The following SLC16A10 variants were observed in gnomAD, a reference collection of about 807,000 sequenced individuals.
SLC16A10 encodes the protein monocarboxylate transporter 10.
In SLC16A10, 27 loss-of-function variants were observed where a neutral mutation model predicts 40.0. The ratio of observed to expected loss-of-function variants is 0.67; its 90% confidence interval spans 0.50 to 0.93. The LOEUF is 0.93. Ranked by LOEUF, SLC16A10 falls within the 40% of genes least tolerant of loss-of-function variation. The pLI is 0.00. For missense variants in SLC16A10, 529 were observed against 658.2 expected, an observed-to-expected ratio of 0.80 and a Z score of 2.15; for synonymous variants, 213 against 249.8, an observed-to-expected ratio of 0.85 and a Z score of 1.39.
intron 3 of SLC16A10, among the ~76,000 whole-genome samples, chr6:111,200,475 G>A (rs761122279): frequency 1.1e-4 from 17 of 152,072 alleles, no homozygotes; most frequent in South Asian, 2.1e-4. Flanking sequence ...CACCTCACTC[G>A]GCTTGCTGGT....
rs1421957624 is a variant in SLC16A10, at chr6:111,214,744, T to G, written c.1087-4070T>G. 2.0e-5 allele frequency among the ~76,000 whole-genome samples: 3 copies of G among 152,222 alleles called. No homozygotes were observed. The East Asian group carries it at 5.8e-4, about 29-fold the overall frequency. On this transcript the variant is annotated intron_variant, in intron 4 of 5. Coordinates refer to ENST00000368851, the MANE Select transcript of SLC16A10 (RefSeq NM_018593.5). ...TACATTTAAATAACTACATAAATCA[T>G]TGCCTAATTTTAATAAGAATATAAC...
Position 111,224,812 on chromosome 6 carries a change from T to TA in SLC16A10, c.*2578dup, listed in dbSNP as rs1770961446. The TA allele has an allele frequency of 6.6e-6, 1 of 152,216 alleles. No homozygotes were observed. Among genetic ancestry groups the TA allele is most frequent in the Non-Finnish European group, 1.5e-5 (1 of 68,032 alleles). 9.4% of individuals were successfully genotyped at this position (152,216 alleles called of 1,614,324 possible). A position where few individuals can be genotyped will look rare whatever the true frequency, so the allele number is the denominator to read the frequency against. On this transcript the variant is annotated 3_prime_UTR_variant, in exon 6 of 6. Coordinates refer to ENST00000368851, the MANE Select transcript of SLC16A10 (RefSeq NM_018593.5). ...CCTTTCTAATTTCTGAATGAAGTGTTACTGCTGCAATAAAGTGACCTGATA... is the reference window on the plus strand; with the variant it reads ...CCTTTCTAATTTCTGAATGAAGTGTTAACTGCTGCAATAAAGTGACCTGATA...
intron 3 of SLC16A10, among the ~76,000 whole-genome samples, chr6:111,196,438 C>T (rs1203166852): frequency 6.6e-6 from 1 of 152,142 alleles, no homozygotes; most frequent in African/African-American, 2.4e-5. Flanking sequence ...GAGCTGTGAT[C>T]GTGCCACTGC....
At chr6:111,155,153 C>T (rs1412640315) in intron 1 of SLC16A10, among the ~76,000 whole-genome samples, 1 of 151,462 alleles carries the variant, frequency 6.6e-6, no homozygotes, top group Non-Finnish European at 1.5e-5. Flanking sequence ...GGGTACACCG[C>T]ACAATCTTCC....
At position 111,087,919 on chromosome 6, in the gene SLC16A10, C is replaced by T. The variant is rs761836776; in HGVS notation, c.167C>T (p.Ala56Val). ...VEVELAGPAT[A>V]EPHEPPEPPE... ...GTGGAGCTGGCGGGGCCGGCGACCGCGGAGCCCCATGAGCCCCCCGAACCC... is the reference window on the plus strand; with the variant it reads ...GTGGAGCTGGCGGGGCCGGCGACCGTGGAGCCCCATGAGCCCCCCGAACCC... The change falls in exon 1 of 6, where the codon GCG (alanine) becomes GTG (valine). Residue 56 changes from alanine to valine, a missense_variant. Coordinates refer to ENST00000368851, the MANE Select transcript of SLC16A10 (RefSeq NM_018593.5). 5.7e-6 allele frequency: 9 copies of T among 1,592,096 alleles called. No homozygotes were observed. The East Asian group carries it at 6.9e-5, about 12-fold the overall frequency.
chr6:111,147,925 T>C (rs982821731), intron 1 of SLC16A10, among the ~76,000 whole-genome samples: 1 of 152,246 alleles, frequency 6.6e-6, no homozygotes, highest in Non-Finnish European at 1.5e-5. Context: ...AGGTTTCTCT[T>C]ACGTGACTCT....
In SLC16A10 at chr6:111,177,071, A is replaced by ATTT. The variant is rs773411509; in HGVS notation, c.489-129_489-127dup. 3,859 of 411,958 alleles carry ATTT rather than the reference A, an allele frequency of 9.4e-3. 116 individuals are homozygous for ATTT. The highest frequency in any genetic ancestry group is 0.072 in the African/African-American group (3,344 of 46,580). The allele number at this position is 411,958 out of a possible 1,614,324, so 25.5% of individuals were successfully genotyped here. On this transcript the variant is annotated intron_variant, in intron 2 of 5. Coordinates refer to ENST00000368851, the MANE Select transcript of SLC16A10 (RefSeq NM_018593.5). Reference sequence around the variant, plus strand: ...TGAGTTTTTCCCTCTATTTTGGTTAATTTTTTTTTTTTTTGGTTAACTTTT... The same window carrying ATTT: ...TGAGTTTTTCCCTCTATTTTGGTTAATTTTTTTTTTTTTTTTTGGTTAACTTTT...
At chr6:111,101,751 G>T (rs1300061916) in intron 1 of SLC16A10, among the ~76,000 whole-genome samples, 1 of 152,114 alleles carries the variant, frequency 6.6e-6, no homozygotes, top group East Asian at 1.9e-4. Context: ...CTCCCAAGTA[G>T]CTGGGACTAC....
At chr6:111,166,267 T>G (rs761597581) in intron 1 of SLC16A10, among the ~76,000 whole-genome samples, 7 of 131,894 alleles carry the variant, frequency 5.3e-5, no homozygotes, top group Non-Finnish European at 1.1e-4. Context: ...ACTCTTTTAC[T>G]GGCATGTCAG....
chr6:111,207,581 G>T (rs1331925657), intron 4 of SLC16A10, among the ~76,000 whole-genome samples: 2 of 152,240 alleles, frequency 1.3e-5, no homozygotes, highest in Non-Finnish European at 2.9e-5. Context: ...AGATAAAGCA[G>T]TGTTGCAGCA....
chr6:111,206,183 T>TAATA (rs903818324), intron 3 of SLC16A10, among the ~76,000 whole-genome samples: 1 of 149,612 alleles, frequency 6.7e-6, no homozygotes, highest in Admixed American at 6.6e-5. Context: ...TTCAAGCTAT[T>TAATA]CTCCTGCCTC....
At chr6:111,220,854 T>C (rs1770875966) in intron 5 of SLC16A10, among the ~76,000 whole-genome samples, 1 of 152,182 alleles carries the variant, frequency 6.6e-6, no homozygotes. Flanking sequence ...ACACAGCAAC[T>C]GGCAGCAGAA....
intron 4 of SLC16A10, among the ~76,000 whole-genome samples, chr6:111,218,589 C>T (rs532115815): frequency 8.2e-4 from 124 of 152,044 alleles, no homozygotes; most frequent in Admixed American, 1.2e-3. Context: ...AAAAACAATA[C>T]GTTTTTTTAA....
chr6:111,113,447 C>T (rs1030297656), intron 1 of SLC16A10, among the ~76,000 whole-genome samples: 2 of 152,162 alleles, frequency 1.3e-5, no homozygotes, highest in Non-Finnish European at 2.9e-5. Flanking sequence ...GAAGAAGAAG[C>T]TATCAGGAGC....
intron 1 of SLC16A10, among the ~76,000 whole-genome samples, chr6:111,158,115 A>C (rs901442529): frequency 2.6e-5 from 4 of 152,136 alleles, no homozygotes; most frequent in Admixed American, 2.6e-4. Context: ...GAGAAGTTTT[A>C]ATTTCAGAGG....
At position 111,206,574 on chromosome 6, in the gene SLC16A10, T is replaced by TTTC; in HGVS notation, c.943-16_943-14dup. On this transcript the variant is annotated splice_polypyrimidine_tract_variant and intron_variant, in intron 3 of 5. Transcript: ENST00000368851. ...TTTCTACCATATTCAGTGTGGTTTCTTTCTCTTTGGCCTATAGATGAAACA... is the reference window on the plus strand; with the variant it reads ...TTTCTACCATATTCAGTGTGGTTTCTTTCTTCTCTTTGGCCTATAGATGAAACA... 2 of 1,613,786 alleles carry TTTC rather than the reference T, an allele frequency of 1.2e-6. No individual in the cohort carries two copies. Among genetic ancestry groups the TTTC allele is most frequent in the Non-Finnish European group, 8.5e-7 (1 of 1,179,854 alleles).
intron 1 of SLC16A10, among the ~76,000 whole-genome samples, chr6:111,151,265 T>C (rs1772167438): frequency 6.6e-6 from 1 of 152,212 alleles, no homozygotes; most frequent in Non-Finnish European, 1.5e-5. Flanking sequence ...GTTGCCTTCA[T>C]TTTCAAACAA....
At chr6:111,100,226 T>TC (rs1286637023) in intron 1 of SLC16A10, among the ~76,000 whole-genome samples, 1 of 152,164 alleles carries the variant, frequency 6.6e-6, no homozygotes, top group Non-Finnish European at 1.5e-5. Context: ...TACACGGGTG[T>TC]CTGTAAATGA....
At chr6:111,100,220 C>T (rs959614669) in intron 1 of SLC16A10, among the ~76,000 whole-genome samples, 4 of 152,132 alleles carry the variant, frequency 2.6e-5, no homozygotes, top group East Asian at 1.9e-4. Flanking sequence ...TTTCAATACA[C>T]GGGTGTCTGT....
Sources: allele counts gnomAD v4.1 joint callset (sites outside exome capture counted in the v4.1 genomes callset), GRCh38; gene constraint gnomAD v4.1.1; transcripts MANE v1.5; gene names NCBI Gene and HGNC (gene_info 2026-07-23, HGNC 2026-07-21).